The following ZFPM2 variants were observed in gnomAD, a reference collection of about 807,000 sequenced individuals.
ZFPM2 encodes zinc finger protein ZFPM2.
A neutral mutation model predicts 98.6 loss-of-function variants in ZFPM2; 20 were observed. That is an observed-to-expected ratio of 0.20 (90% confidence interval 0.14 to 0.29). The LOEUF (loss-of-function observed/expected upper bound fraction) is 0.29, where lower values mean the gene tolerates loss of function less well. Among genes scored for constraint, ZFPM2 ranks in the 10% least tolerant of loss-of-function variants. The pLI, the probability that ZFPM2 is intolerant of heterozygous loss-of-function variation, is 1.00. For missense variants in ZFPM2, 1,310 were observed against 1,388.6 expected, an observed-to-expected ratio of 0.94 and a Z score of 0.90; for synonymous variants, 518 against 502.7, an observed-to-expected ratio of 1.03 and a Z score of -0.41.
chr8:105,499,439 G>A (rs1240554598), intron 3 of ZFPM2, among the ~76,000 whole-genome samples: 1 of 152,050 alleles, frequency 6.6e-6, no homozygotes, highest in African/African-American at 2.4e-5. Flanking sequence ...TTTCTAAAGA[G>A]GATATTGTAA....
At chr8:105,527,623 GT>G (rs776970563) in intron 3 of ZFPM2, among the ~76,000 whole-genome samples, 1 of 152,190 alleles carries the variant, frequency 6.6e-6, no homozygotes, top group East Asian at 1.9e-4. Flanking sequence ...CACTTAAGGT[GT>G]TACAGGCTTG....
intron 3 of ZFPM2, among the ~76,000 whole-genome samples, chr8:105,473,435 C>T (rs181583733): frequency 6.6e-6 from 1 of 152,270 alleles, no homozygotes; most frequent in East Asian, 1.9e-4. Flanking sequence ...CCATCTCTCC[C>T]TGACTAGCTG....
At chr8:105,578,125 C>T (rs1815507782) in intron 4 of ZFPM2, among the ~76,000 whole-genome samples, 1 of 152,024 alleles carries the variant, frequency 6.6e-6, no homozygotes, top group Non-Finnish European at 1.5e-5. Context: ...AAAGTATACT[C>T]AATCTTTTGA....
At chr8:105,570,754 AAACAC>A (rs1365488685) in intron 4 of ZFPM2, among the ~76,000 whole-genome samples, 1 of 152,172 alleles carries the variant, frequency 6.6e-6, no homozygotes, top group African/African-American at 2.4e-5. Flanking sequence ...TGAAAGGTGG[AAACAC>A]AATTCCTTGC....
intron 5 of ZFPM2, among the ~76,000 whole-genome samples, chr8:105,770,163 A>T (rs1008121867): frequency 6.6e-6 from 1 of 152,082 alleles, no homozygotes; most frequent in Non-Finnish European, 1.5e-5. Context: ...AAAAAATTGC[A>T]GCAGAGATTT....
intron 3 of ZFPM2, among the ~76,000 whole-genome samples, chr8:105,489,448 T>TATATATATATA (rs1489973438): frequency 2.8e-5 from 3 of 108,830 alleles, no homozygotes; most frequent in African/African-American, 1.2e-4. Context: ...ATATATGTTT[T>TATATATATATA]TATATATATA....
At chr8:105,734,032 C>T (rs1563541568) in intron 5 of ZFPM2, among the ~76,000 whole-genome samples, 1 of 151,826 alleles carries the variant, frequency 6.6e-6, no homozygotes, top group African/African-American at 2.4e-5. Context: ...TCATGAATAA[C>T]GCAAGTCTAT....
chr8:105,534,042 C>T lies in ZFPM2; in HGVS notation c.302-27321C>T, dbSNP rs148238957. 1.3e-3 allele frequency among the ~76,000 whole-genome samples: 38 copies of T among 29,980 alleles called. 1 individual carries two copies. Among genetic ancestry groups the T allele is most frequent in the South Asian group, 2.1e-3 (1 of 478 alleles). 19.7% of individuals were successfully genotyped at this position (29,980 alleles called of 152,430 possible). A position where few individuals can be genotyped will look rare whatever the true frequency, so the allele number is the denominator to read the frequency against. The stretch of plus-strand genomic sequence containing the variant: ...TTCTTCCCTTCCTCCCTCCCTCCCT[C>T]CCTTCCTCCCTTCCTCCCTCCCTTC... On this transcript the variant is annotated intron_variant, in intron 3 of 7. Transcript: ENST00000407775.
In ZFPM2 at chr8:105,803,706, GTAT is replaced by G. The variant is rs1226046786; in HGVS notation, c.*173_*175del. On this transcript the variant is annotated 3_prime_UTR_variant, in exon 8 of 8. Transcript: ENST00000407775. ...TTTCATTACAGTCCATTAGTAAAGT[GTAT>G]TATTGGTGCCATTTTCAAAAAAATT... 2 of 623,666 alleles carry G rather than the reference GTAT, an allele frequency of 3.2e-6. No homozygotes were observed. The highest frequency in any genetic ancestry group is 1.9e-5 in the African/African-American group (1 of 53,828). 38.6% of individuals were successfully genotyped at this position (623,666 alleles called of 1,614,324 possible). A position where few individuals can be genotyped will look rare whatever the true frequency, so the allele number is the denominator to read the frequency against.
intron 5 of ZFPM2, among the ~76,000 whole-genome samples, chr8:105,680,912 T>A (rs1165795988): frequency 6.6e-6 from 1 of 151,856 alleles, no homozygotes; most frequent in Non-Finnish European, 1.5e-5. Flanking sequence ...CACAAAAATA[T>A]CAAGGAGCAG....
rs1481159506 is a variant in ZFPM2, at chr8:105,682,582, G to T, written c.532+48225G>T. Among the ~76,000 whole-genome samples the T allele has an allele frequency of 2.6e-5, 4 of 152,174 alleles. No homozygotes were observed. In the South Asian group the frequency reaches 6.2e-4, roughly 24 times the overall value. ...ATGATTGGATTTATACATCTTGGTAGATTGTTCCTTCTGCCTTGTAGAGAA... is the reference window on the plus strand; with the variant it reads ...ATGATTGGATTTATACATCTTGGTATATTGTTCCTTCTGCCTTGTAGAGAA... On this transcript the variant is annotated intron_variant, in intron 5 of 7. Transcript: ENST00000407775.
At chr8:105,420,781 T>G (rs1811775756) in intron 2 of ZFPM2, among the ~76,000 whole-genome samples, 1 of 152,138 alleles carries the variant, frequency 6.6e-6, no homozygotes, top group Non-Finnish European at 1.5e-5. Flanking sequence ...AATACATCCT[T>G]TTGTGCATTG....
chr8:105,760,578 ATAGTGTT>A (rs1812712741), intron 5 of ZFPM2, among the ~76,000 whole-genome samples: 1 of 152,086 alleles, frequency 6.6e-6, no homozygotes, highest in South Asian at 2.1e-4. Flanking sequence ...GAGGGAGATT[ATAGTGTT>A]TAGACCAAGG....
At chr8:105,560,969 T>A (rs1235555003) in intron 3 of ZFPM2, among the ~76,000 whole-genome samples, 1 of 152,194 alleles carries the variant, frequency 6.6e-6, no homozygotes, top group Non-Finnish European at 1.5e-5. Context: ...TCTCCAGATA[T>A]TGTTGTTTGA....
intron 1 of ZFPM2, among the ~76,000 whole-genome samples, chr8:105,321,456 A>G (rs1812023475): frequency 6.6e-6 from 1 of 152,204 alleles, no homozygotes; most frequent in Non-Finnish European, 1.5e-5. Context: ...TTAAACTTGG[A>G]AATGTCCAGG....
At chr8:105,330,121 T>G (rs1295970379) in intron 1 of ZFPM2, among the ~76,000 whole-genome samples, 5 of 151,596 alleles carry the variant, frequency 3.3e-5, no homozygotes, top group Admixed American at 6.6e-5. Flanking sequence ...TGGTTTCCAG[T>G]GTTAGCCATA....
intron 5 of ZFPM2, among the ~76,000 whole-genome samples, chr8:105,755,472 C>G (rs1300583878): frequency 6.6e-6 from 1 of 152,094 alleles, no homozygotes; most frequent in Non-Finnish European, 1.5e-5. Context: ...AAGAACTGGT[C>G]ATTTGAGTGC....
At chr8:105,579,149 G>T (rs1264636473) in intron 4 of ZFPM2, among the ~76,000 whole-genome samples, 2 of 151,430 alleles carry the variant, frequency 1.3e-5, no homozygotes, top group African/African-American at 4.9e-5. Flanking sequence ...CTATATTTTT[G>T]TCAAATTCTT....
At chr8:105,669,726 T>C (rs1282017315) in intron 5 of ZFPM2, among the ~76,000 whole-genome samples, 1 of 152,126 alleles carries the variant, frequency 6.6e-6, no homozygotes, top group Non-Finnish European at 1.5e-5. Context: ...TTCTTCTCTC[T>C]ATTGAAGGAT....
Sources: gnomAD v4.1 joint callset for allele counts (sites outside exome capture counted in the v4.1 genomes callset) on GRCh38, gnomAD v4.1.1 for gene constraint, MANE v1.5 for transcripts, NCBI Gene and HGNC (gene_info 2026-07-23, HGNC 2026-07-21) for gene names.